GALNT14: variants seen among roughly 807,000 people sequenced by gnomAD.
GALNT14 encodes polypeptide N-acetylgalactosaminyltransferase 14.
Under a neutral mutation model 77.5 loss-of-function variants are expected in GALNT14, and 60 were observed. The observed-to-expected ratio is 0.77, with a 90% confidence interval of 0.63 to 0.96. The LOEUF is 0.96. Among genes scored for constraint, GALNT14 ranks in the 40% least tolerant of loss-of-function variants. The pLI is 0.00. For missense variants in GALNT14, 710 were observed against 731.0 expected (o/e 0.97, Z 0.33); for synonymous variants, 280 against 281.7 (o/e 0.99, Z 0.06).
chr2:31,007,218 C>A lies in GALNT14; in HGVS notation c.130-14211G>T, dbSNP rs775275638. 3.3e-5 allele frequency among the ~76,000 whole-genome samples: 5 copies of A among 152,106 alleles called. 1 individual carries two copies. The highest frequency in any genetic ancestry group is 7.3e-5 in the Non-Finnish European group (5 of 68,028). ...CCAAGGGCGGGTTTAGTGCTACAGG[C>A]GACGTGGCAAGTGAACATGGCAGTG... On this transcript the variant is annotated intron_variant, in intron 1 of 14. Transcript: ENST00000349752.
chr2:30,911,006 G>A lies in GALNT14; in HGVS notation c.1554C>T (p.Leu518=), dbSNP rs774598779. The change falls in exon 15 of 15, where the codon CTC becomes CTT. Residue 518 remains leucine (L), a synonymous_variant. Transcript: ENST00000349752. ...TGCCATCACCGAACATATCTGTATC[G>A]AGGCAGAGGTGGGATGCTATGTGCT... The part of the protein sequence containing the change: ...HIEHIASHLC[L]DTDMFGDGTE... 20 of 1,613,844 alleles carry A rather than the reference G, an allele frequency of 1.2e-5. No individual in the cohort carries two copies. The Admixed American group carries it at 1.8e-4, about 15-fold the overall frequency.
chr2:31,073,824 C>A (rs913030600), intron 1 of GALNT14, among the ~76,000 whole-genome samples: 2 of 152,118 alleles, frequency 1.3e-5, no homozygotes, highest in East Asian at 1.9e-4. Context: ...CCTCTGTGGG[C>A]AAAAGACTAA....
At chr2:31,126,985 C>T (rs1160470128) in intron 1 of GALNT14, 1 of 152,196 alleles carries the variant, frequency 6.6e-6, no homozygotes, top group Non-Finnish European at 1.5e-5. Context: ...TAGGCTCTGA[C>T]CCTAAATGAG....
At chr2:30,892,003 G>A in the GALNT14 span, among the ~76,000 whole-genome samples, 3 of 152,148 alleles carry the variant, frequency 2.0e-5, no homozygotes, top group African/African-American at 7.2e-5. Context: ...AACCAAGAGC[G>A]AACACCTACG....
chr2:30,990,321 G>T (rs2148399463), intron 2 of GALNT14, among the ~76,000 whole-genome samples: 1 of 152,304 alleles, frequency 6.6e-6, no homozygotes, highest in African/African-American at 2.4e-5. Context: ...GGCCCAAAAG[G>T]CCCCAGGGCC....
chr2:30,896,716 G>T, the GALNT14 span, among the ~76,000 whole-genome samples: 5 of 152,090 alleles, frequency 3.3e-5, no homozygotes. Context: ...CATTAAGTAT[G>T]GGTGCCATGA....
intron 1 of GALNT14, among the ~76,000 whole-genome samples, chr2:31,039,368 T>C (rs1672957436): frequency 6.6e-6 from 1 of 152,218 alleles, no homozygotes; most frequent in African/African-American, 2.4e-5. Context: ...ACCTTTTTAG[T>C]GCACAGAAAA....
At chr2:31,099,320 C>A (rs1422579604) in intron 1 of GALNT14, among the ~76,000 whole-genome samples, 5 of 140,932 alleles carry the variant, frequency 3.5e-5, no homozygotes, top group African/African-American at 9.6e-5. Flanking sequence ...TTTTTATTGA[C>A]CCTTTGGAAC....
intron 13 of GALNT14, among the ~76,000 whole-genome samples, chr2:30,921,355 G>C (rs779215924): frequency 1.3e-5 from 2 of 152,208 alleles, no homozygotes; most frequent in Non-Finnish European, 2.9e-5. Flanking sequence ...AGATTCAGAA[G>C]ACAGGGATGT....
chr2:31,138,251 T>G lies in GALNT14; in HGVS notation c.-165A>C. On this transcript the variant is annotated 5_prime_UTR_variant, in exon 1 of 15. Coordinates refer to ENST00000349752, the MANE Select transcript of GALNT14 (RefSeq NM_024572.4). ...GATCCTGCAAGGCGCCCTTCCCGCT[T>G]CGAAGAGAAGCGAGCCTGGGTGGGG... The G allele has an allele frequency of 1.2e-6, 1 of 843,880 alleles. No individual in the cohort carries two copies. Among genetic ancestry groups the G allele is most frequent in the Non-Finnish European group, 1.8e-6 (1 of 552,566 alleles). 52.3% of individuals were successfully genotyped at this position (843,880 alleles called of 1,614,324 possible).
At position 31,035,710 on chromosome 2, in the gene GALNT14, A is replaced by T. The variant is rs552189508; in HGVS notation, c.130-42703T>A. On this transcript the variant is annotated intron_variant, in intron 1 of 14. Transcript: ENST00000349752. ...AGAATCAGATCATGTCCTTTGCAGG[A>T]ACATGGGTGGAGCCAGAGGCCATTA... Among the ~76,000 whole-genome samples, 7 of 151,524 alleles carry T rather than the reference A, an allele frequency of 4.6e-5. No homozygotes were observed. The South Asian group carries it at 1.5e-3, about 32-fold the overall frequency.
chr2:30,946,815 C>T (rs185959084), intron 6 of GALNT14, among the ~76,000 whole-genome samples: 1 of 152,214 alleles, frequency 6.6e-6, no homozygotes, highest in African/African-American at 2.4e-5. Context: ...CTTTAATTGT[C>T]CCCTGCAGAT....
intron 1 of GALNT14, among the ~76,000 whole-genome samples, chr2:31,113,617 T>C (rs1300264816): frequency 6.6e-6 from 1 of 152,072 alleles, no homozygotes; most frequent in Admixed American, 6.5e-5. Context: ...TGGCTGGTGG[T>C]ACTGCTCCTA....
intron 2 of GALNT14, among the ~76,000 whole-genome samples, chr2:30,974,114 C>CCACACCTCAGCCAAGCCTGCTGA (rs1668508021): frequency 6.6e-6 from 1 of 152,146 alleles, no homozygotes; most frequent in South Asian, 2.1e-4. Flanking sequence ...CCTCTGCTTC[C>CCACACCTCAGCCAAGCCTGCTGA]CACACCTCAG....
chr2:31,077,889 AC>A, intron 1 of GALNT14, among the ~76,000 whole-genome samples: 1 of 152,236 alleles, frequency 6.6e-6, no homozygotes. Flanking sequence ...TGGCTGAGGC[AC>A]CTGATCAAGA....
At chr2:31,071,197 A>C in intron 1 of GALNT14, among the ~76,000 whole-genome samples, 1 of 152,230 alleles carries the variant, frequency 6.6e-6, no homozygotes, top group South Asian at 2.1e-4. Flanking sequence ...AATCACCACT[A>C]AAGAACTTAC....
the GALNT14 span, among the ~76,000 whole-genome samples, chr2:30,903,471 T>C: frequency 6.6e-6 from 1 of 152,264 alleles, no homozygotes; most frequent in Non-Finnish European, 1.5e-5. Flanking sequence ...ACGCTTGCCA[T>C]CCGGGCTTAC....
At chr2:31,075,174 G>C (rs1026794539) in intron 1 of GALNT14, among the ~76,000 whole-genome samples, 1 of 152,204 alleles carries the variant, frequency 6.6e-6, no homozygotes, top group African/African-American at 2.4e-5. Flanking sequence ...TCTGTGAACA[G>C]AGCACGTGAG....
intron 1 of GALNT14, among the ~76,000 whole-genome samples, chr2:31,011,229 C>T (rs187712195): frequency 9.2e-5 from 14 of 152,322 alleles, no homozygotes; most frequent in Admixed American, 3.3e-4. Flanking sequence ...TGCCATTTTA[C>T]GGATCTAATG....
Sources: gnomAD v4.1 joint callset for allele counts (sites outside exome capture counted in the v4.1 genomes callset) on GRCh38, gnomAD v4.1.1 for gene constraint, MANE v1.5 for transcripts, NCBI Gene and HGNC (gene_info 2026-07-23, HGNC 2026-07-21) for gene names.